FAM135B: variants seen among roughly 807,000 people sequenced by gnomAD.
FAM135B encodes family with sequence similarity 135 member B, also known as protein FAM135B.
A neutral mutation model predicts 127.7 loss-of-function variants in FAM135B; 43 were observed. The ratio of observed to expected loss-of-function variants is 0.34; its 90% CI spans 0.26 to 0.43. The LOEUF is 0.43. FAM135B is among the 20% of genes least tolerant of loss of function. The pLI, the probability that FAM135B is intolerant of heterozygous loss-of-function variation, is 1.00. For missense variants in FAM135B, 1,558 were observed against 1,725.6 expected, an observed-to-expected ratio of 0.90 and a Z score of 1.72; for synonymous variants, 670 against 665.1, an observed-to-expected ratio of 1.01 and a Z score of -0.11.
intron 9 of FAM135B, among the ~76,000 whole-genome samples, chr8:138,191,964 C>T (rs1490452334): frequency 6.6e-6 from 1 of 152,214 alleles, no homozygotes; most frequent in Non-Finnish European, 1.5e-5. Context: ...TTGCATCACA[C>T]TGGGGAGGGC....
At chr8:138,290,442 T>C (rs1338374275) in intron 3 of FAM135B, among the ~76,000 whole-genome samples, 1 of 152,178 alleles carries the variant, frequency 6.6e-6, no homozygotes, top group African/African-American at 2.4e-5. Context: ...AATGTGTCTA[T>C]CTTTAACTTT....
At chr8:138,424,436 A>C (rs905794803) in intron 1 of FAM135B, among the ~76,000 whole-genome samples, 1 of 152,188 alleles carries the variant, frequency 6.6e-6, no homozygotes, top group East Asian at 1.9e-4. Context: ...ATGTAGATGT[A>C]TATATCTTCA....
At chr8:138,452,238 T>G (rs1461697596) in intron 1 of FAM135B, among the ~76,000 whole-genome samples, 1 of 149,712 alleles carries the variant, frequency 6.7e-6, no homozygotes, top group Non-Finnish European at 1.5e-5. Context: ...CAAGGAATCC[T>G]TCCACCTCAG....
At chr8:138,445,371 T>C (rs1051809107) in intron 1 of FAM135B, among the ~76,000 whole-genome samples, 8 of 152,178 alleles carry the variant, frequency 5.3e-5, no homozygotes, top group Non-Finnish European at 8.8e-5. Context: ...TTTAGACCAA[T>C]ATCCTTGATG....
At position 138,151,724 on chromosome 8, in the gene FAM135B, A is replaced by C; in HGVS notation, c.2751T>G (p.Ala917=). The C allele has an allele frequency of 1.2e-6, 2 of 1,614,140 alleles. No homozygotes were observed. Among genetic ancestry groups the C allele is most frequent in the Non-Finnish European group, 1.7e-6 (2 of 1,180,032 alleles). Reference sequence around the variant, plus strand: ...CCTCTGAGATGCCACTGTTGGAAAGAGCTTGCTGACCCACATTCAAGTCTT... The same window carrying C: ...CCTCTGAGATGCCACTGTTGGAAAGCGCTTGCTGACCCACATTCAAGTCTT... ...MPKDLNVGQQ[A]LSNSGISEVE... Residue 917 remains alanine (A), a synonymous_variant, in exon 13 of 20, where the codon GCT becomes GCG. Coordinates refer to ENST00000395297, the MANE Select transcript of FAM135B (RefSeq NM_015912.4).
At chr8:138,300,564 C>A (rs1300343406) in intron 3 of FAM135B, among the ~76,000 whole-genome samples, 3 of 152,082 alleles carry the variant, frequency 2.0e-5, no homozygotes, top group African/African-American at 7.2e-5. Context: ...TACAGAATTT[C>A]TTCTTATAAC....
chr8:138,457,517 G>T (rs544027586), intron 1 of FAM135B, among the ~76,000 whole-genome samples: 6 of 152,242 alleles, frequency 3.9e-5, no homozygotes, highest in African/African-American at 1.4e-4. Context: ...ACTCCCAGTG[G>T]TGATCCTTGT....
chr8:138,293,548 T>TTTGG (rs1650865118), intron 3 of FAM135B, among the ~76,000 whole-genome samples: 1 of 151,586 alleles, frequency 6.6e-6, no homozygotes, highest in Non-Finnish European at 1.5e-5. Context: ...CTCAAACAAA[T>TTTGG]TAGTGAGAAA....
chr8:138,356,660 T>C lies in FAM135B; in HGVS notation c.77+11247A>G, dbSNP rs114369494. ...ATGTATGATGGTGAAAGCAAAGATC[T>C]CCCTACTTTGAGGAAGGACATCAGA... On this transcript the variant is annotated intron_variant, in intron 2 of 19. Transcript: ENST00000395297. 8.8e-3 allele frequency among the ~76,000 whole-genome samples: 1,342 copies of C among 152,242 alleles called. 24 individuals carry two copies. The highest frequency in any genetic ancestry group is 0.031 in the African/African-American group (1,279 of 41,546).
chr8:138,202,842 C>T (rs977645955), intron 7 of FAM135B, among the ~76,000 whole-genome samples: 1 of 152,094 alleles, frequency 6.6e-6, no homozygotes, highest in Non-Finnish European at 1.5e-5. Context: ...CACTCAGAAG[C>T]CTAAGAATGA....
chr8:138,265,529 A>C (rs1428516212), intron 4 of FAM135B, among the ~76,000 whole-genome samples, 174 bp downstream of exon 4: 1 of 152,222 alleles, frequency 6.6e-6, no homozygotes, highest in African/African-American at 2.4e-5. Context: ...TGAATAAAAA[A>C]ATGAGTAAAA....
intron 1 of FAM135B, among the ~76,000 whole-genome samples, chr8:138,397,704 A>T (rs967093267): frequency 6.6e-6 from 1 of 152,094 alleles, no homozygotes; most frequent in Non-Finnish European, 1.5e-5. Context: ...GTTGGCATAG[A>T]CTCCACAGAT....
At chr8:138,366,300 C>T (rs1338578309) in intron 2 of FAM135B, among the ~76,000 whole-genome samples, 5 of 152,234 alleles carry the variant, frequency 3.3e-5, no homozygotes, top group East Asian at 3.9e-4. Context: ...TTATCAAAAT[C>T]GCTTGCTTTT....
Position 138,491,381 on chromosome 8 carries a change from G to A in FAM135B, c.-20+5290C>T, listed in dbSNP as rs137987857. On this transcript the variant is annotated intron_variant, in intron 1 of 19. Transcript: ENST00000395297. ...TCTAACAATAAATCTATAGTTTTCC[G>A]TGTCCCAAGAAATGTTTCATAAGAA... Among the ~76,000 whole-genome samples the A allele has an allele frequency of 1.5e-4, 23 of 152,254 alleles. No individual in the cohort carries two copies. In the East Asian group the frequency reaches 3.5e-3, roughly 23 times the overall value.
intron 8 of FAM135B, among the ~76,000 whole-genome samples, chr8:138,195,656 AC>A (rs1360725891): frequency 7.9e-5 from 12 of 152,088 alleles, no homozygotes; most frequent in African/African-American, 2.9e-4. Flanking sequence ...ACACACACAC[AC>A]AAACACACAC....
intron 1 of FAM135B, among the ~76,000 whole-genome samples, chr8:138,457,069 T>A (rs557490249): frequency 6.9e-6 from 1 of 144,470 alleles, no homozygotes; most frequent in Non-Finnish European, 1.5e-5. Context: ...ATATAGGTGA[T>A]AAAATAATAG....
intron 3 of FAM135B, among the ~76,000 whole-genome samples, chr8:138,266,636 T>TAC (rs1001726713): frequency 6.7e-5 from 10 of 148,530 alleles, no homozygotes; most frequent in African/African-American, 2.5e-4. Flanking sequence ...TGTATATATA[T>TAC]ACGTATATAT....
rs74408836 is a variant in FAM135B, at chr8:138,242,335, A to G, written c.669+607T>C. On this transcript the variant is annotated intron_variant, in intron 7 of 19. Transcript: ENST00000395297. The surrounding 1 kb of genome is among the most constrained non-coding windows in gnomAD (Gnocchi z 9.6). Reference sequence around the variant, plus strand: ...ATACTGGCTTGGGAGAAATATGAGCAGAATCATACCCTGTGTGGTTAAAGC... The same window carrying G: ...ATACTGGCTTGGGAGAAATATGAGCGGAATCATACCCTGTGTGGTTAAAGC... 0.014 allele frequency among the ~76,000 whole-genome samples: 2,120 copies of G among 152,134 alleles called. 50 individuals are homozygous for G. Among genetic ancestry groups the G allele is most frequent in the African/African-American group, 0.049 (2,029 of 41,480 alleles).
rs756346880 is a variant in FAM135B at position 138,152,471 on chromosome 8, T to C, written c.2004A>G (p.Glu668=). 6.2e-7 allele frequency: 1 copy of C among 1,614,070 alleles called. No homozygotes were observed. Among genetic ancestry groups the C allele is most frequent in the Non-Finnish European group, 8.5e-7 (1 of 1,180,012 alleles). Reference sequence around the variant, plus strand: ...TGATGACCCCGGATAGCACTGAGAGTTCCTCCTGCTCTTCTGTGTGAGAGT... The same window carrying C: ...TGATGACCCCGGATAGCACTGAGAGCTCCTCCTGCTCTTCTGTGTGAGAGT... ...LKDSHTEEQE[E]LSVLSGVIKR... Residue 668 remains glutamate (E), a synonymous_variant, in exon 13 of 20, where the codon GAA becomes GAG. Transcript: ENST00000395297.
Sources: gnomAD v4.1 joint callset for allele counts (sites outside exome capture counted in the v4.1 genomes callset) on GRCh38, gnomAD v4.1.1 for gene constraint, Gnocchi (gnomAD v3.1) non-coding constraint, MANE v1.5 for transcripts, NCBI Gene and HGNC (gene_info 2026-07-23, HGNC 2026-07-21) for gene names.